The following NDUFS3 variants were observed in gnomAD, a reference collection of about 807,000 sequenced individuals.
NDUFS3 encodes the protein NADH dehydrogenase [ubiquinone] iron-sulfur protein 3, mitochondrial.
In NDUFS3, 19 loss-of-function variants were observed where a neutral mutation model predicts 30.8. The ratio of observed to expected loss-of-function variants is 0.62; its 90% CI spans 0.43 to 0.91. The LOEUF (loss-of-function observed/expected upper bound fraction) is 0.91, where lower values mean the gene tolerates loss of function less well. NDUFS3 is among the 40% of genes least tolerant of loss of function. The pLI is 0.00. For missense variants in NDUFS3, 331 were observed against 342.0 expected (o/e 0.97, Z 0.25); for synonymous variants, 153 against 135.8 (o/e 1.13, Z -0.88).
In NDUFS3 at chr11:47,580,833, A is replaced by G; in HGVS notation, c.232-2A>G. On this transcript the variant is annotated splice_acceptor_variant, in intron 3 of 6. Coordinates refer to ENST00000263774, the MANE Select transcript of NDUFS3 (RefSeq NM_004551.3). LOFTEE classifies it high-confidence loss of function. ...CCTCTCCCCTCACTTTCATGTGTGC[A>G]GGTGTCCTGCTTCAATGAGTTAGAG... 1 of 1,614,140 alleles carries G rather than the reference A, an allele frequency of 6.2e-7. No homozygotes were observed. Among genetic ancestry groups the G allele is most frequent in the Non-Finnish European group, 8.5e-7 (1 of 1,180,032 alleles).
In NDUFS3 at chr11:47,579,081, A is replaced by G. The variant is rs746155402; in HGVS notation, c.-11A>G. 4 of 1,560,026 alleles carry G rather than the reference A, an allele frequency of 2.6e-6. No individual in the cohort carries two copies. Among genetic ancestry groups the G allele is most frequent in the African/African-American group, 1.4e-5 (1 of 73,682 alleles). ...TCTTTCCGTCCGCTGCCTAGTCTGC[A>G]TCTGAGTAACATGGCGGCGGCGGCG... On this transcript the variant is annotated 5_prime_UTR_variant, in exon 1 of 7. Transcript: ENST00000263774.
In NDUFS3 at chr11:47,584,325, T is replaced by G. The variant is rs769675199; in HGVS notation, c.639T>G (p.Asp213Glu). 5 of 1,613,956 alleles carry G rather than the reference T, an allele frequency of 3.1e-6. No homozygotes were observed. Among genetic ancestry groups the G allele is most frequent in the Non-Finnish European group, 4.2e-6 (5 of 1,180,014 alleles). Residue 213 changes from aspartate to glutamate, a missense_variant, in exon 7 of 7, where the codon GAT (aspartate) becomes GAG (glutamate). Asp to Glu is a conservative substitution (Grantham distance 45). Coordinates refer to ENST00000263774, the MANE Select transcript of NDUFS3 (RefSeq NM_004551.3). ...TTTTGCTCCTGCAGTTACGTTATGA[T>G]GATGAAGTGAAGCGGGTGGTGGCAG... ...PLSGYVELRY[D>E]DEVKRVVAEP...
Position 47,584,317 on chromosome 11 carries a change from C to A in NDUFS3, c.631C>A (p.Arg211Ser), listed in dbSNP as rs369800649. 6.2e-7 allele frequency: 1 copy of A among 1,614,074 alleles called. No homozygotes were observed. Among genetic ancestry groups the A allele is most frequent in the South Asian group, 1.1e-5 (1 of 91,082 alleles). Residue 211 changes from arginine to serine, a missense_variant, in exon 7 of 7, where the codon CGT becomes AGT. Physicochemically the swap from Arg to Ser is moderately radical, Grantham distance 110. Coordinates refer to ENST00000263774, the MANE Select transcript of NDUFS3 (RefSeq NM_004551.3). Reference sequence around the variant, plus strand: ...AGCCTGCCTTTTGCTCCTGCAGTTACGTTATGATGATGAAGTGAAGCGGGT... The same window carrying A: ...AGCCTGCCTTTTGCTCCTGCAGTTAAGTTATGATGATGAAGTGAAGCGGGT... ...DFPLSGYVEL[R>S]YDDEVKRVVA...
intron 2 of NDUFS3, 191 bp downstream of exon 2, chr11:47,579,525 C>A: frequency 1.5e-6 from 1 of 666,334 alleles, no homozygotes; most frequent in Admixed American, 2.8e-5. Flanking sequence ...CTGATTGTTC[C>A]TTGTCCATTT....
intron 3 of NDUFS3, 77 bp downstream of exon 3, chr11:47,580,699 T>G: frequency 6.3e-7 from 1 of 1,585,826 alleles, no homozygotes; most frequent in Non-Finnish European, 8.7e-7. Flanking sequence ...TGGGCAGACT[T>G]GTTTCAAAGA....
chr11:47,580,834 G>A lies in NDUFS3; in HGVS notation c.232-1G>A, dbSNP rs1565941981. Reference sequence around the variant, plus strand: ...CTCTCCCCTCACTTTCATGTGTGCAGGTGTCCTGCTTCAATGAGTTAGAGG... The same window carrying A: ...CTCTCCCCTCACTTTCATGTGTGCAAGTGTCCTGCTTCAATGAGTTAGAGG... On this transcript the variant is annotated splice_acceptor_variant, in intron 3 of 6. Coordinates refer to ENST00000263774, the MANE Select transcript of NDUFS3 (RefSeq NM_004551.3). LOFTEE classifies it high-confidence loss of function. 5 of 1,614,134 alleles carry A rather than the reference G, an allele frequency of 3.1e-6. No homozygotes were observed. The South Asian group carries it at 5.5e-5, about 18-fold the overall frequency.
Position 47,581,044 on chromosome 11 carries a change from T to C in NDUFS3, c.381+60T>C, listed in dbSNP as rs754145009. 3.1e-6 allele frequency: 5 copies of C among 1,600,210 alleles called. No individual in the cohort carries two copies. In the African/African-American group the frequency reaches 6.7e-5, roughly 21 times the overall value. ...AGGATATTAATTTCAGTTTGTAACATACAATAGAACACAGCAGTTAAACTG... is the reference window on the plus strand; with the variant it reads ...AGGATATTAATTTCAGTTTGTAACACACAATAGAACACAGCAGTTAAACTG... On this transcript the variant is annotated intron_variant, in intron 4 of 6. Transcript: ENST00000263774.
Position 47,582,462 on chromosome 11 carries a change from T to C in NDUFS3, c.621T>C (p.Tyr207=), listed in dbSNP as rs761640106. 1.2e-6 allele frequency: 2 copies of C among 1,614,206 alleles called. No individual in the cohort carries two copies. Among genetic ancestry groups the C allele is most frequent in the Non-Finnish European group, 8.5e-7 (1 of 1,180,030 alleles). Residue 207 remains tyrosine, a synonymous_variant, in exon 6 of 7, where the codon TAT becomes TAC. Transcript: ENST00000263774. The stretch of plus-strand genomic sequence containing the variant: ...GGAAAGACTTTCCTCTATCTGGCTA[T>C]GTTGAGGTAGGAGCCTTGGAACTGG... ...PFRKDFPLSG[Y]VELRYDDEVK...
chr11:47,579,564 T>A (rs1415138427), intron 2 of NDUFS3: 4 of 615,040 alleles, frequency 6.5e-6, no homozygotes, highest in African/African-American at 1.8e-5. Context: ...CTGATTAAAC[T>A]GTCAGCTCTT....
chr11:47,583,824 A>G (rs1005054359), intron 6 of NDUFS3, among the ~76,000 whole-genome samples: 4 of 152,040 alleles, frequency 2.6e-5, no homozygotes, highest in African/African-American at 9.7e-5. Flanking sequence ...GATGATCCTT[A>G]CCTTATCCAT....
At chr11:47,579,504 CTGTTA>C in intron 2 of NDUFS3, 170 bp downstream of exon 2, 1 of 741,510 alleles carries the variant, frequency 1.3e-6, no homozygotes, top group East Asian at 2.7e-5. Context: ...GCCCTTAGGC[CTGTTA>C]TGGCCCTGAT....
intron 2 of NDUFS3, 78 bp downstream of exon 2, chr11:47,579,412 C>T (rs1213580106): frequency 6.4e-7 from 1 of 1,561,732 alleles, no homozygotes; most frequent in Non-Finnish European, 8.8e-7. Flanking sequence ...CTAGGATGCC[C>T]TTCCCTACGT....
At position 47,579,151 on chromosome 11, in the gene NDUFS3, G is replaced by A. The variant is rs1210791472; in HGVS notation, c.60G>A (p.Leu20=). ...WWRGILGASA[L]TRGTGRPSVL... Reference sequence around the variant, plus strand: ...GCGGGATCTTGGGGGCCTCGGCGCTGACCAGGGGTGAGCACGGGCAGCCAG... The same window carrying A: ...GCGGGATCTTGGGGGCCTCGGCGCTAACCAGGGGTGAGCACGGGCAGCCAG... The change falls in exon 1 of 7, where the codon CTG becomes CTA. Residue 20 remains leucine, a synonymous_variant. Coordinates refer to ENST00000263774, the MANE Select transcript of NDUFS3 (RefSeq NM_004551.3). 1.2e-6 allele frequency: 2 copies of A among 1,608,300 alleles called. No homozygotes were observed. Among genetic ancestry groups the A allele is most frequent in the South Asian group, 1.1e-5 (1 of 90,582 alleles).
intron 2 of NDUFS3, among the ~76,000 whole-genome samples, chr11:47,579,850 C>G (rs1598803507): frequency 6.6e-6 from 1 of 152,212 alleles, no homozygotes; most frequent in Non-Finnish European, 1.5e-5. Context: ...AACCATTATT[C>G]TGTAGCTTGT....
At chr11:47,581,702 A>C in intron 4 of NDUFS3, 1 of 324,256 alleles carries the variant, frequency 3.1e-6, no homozygotes, top group Non-Finnish European at 6.0e-6. Flanking sequence ...GTGAAGGAGA[A>C]AGACACCTAA....
Position 47,584,323 on chromosome 11 carries a change from G to T in NDUFS3, c.637G>T (p.Asp213Tyr). The T allele has an allele frequency of 6.2e-7, 1 of 1,614,138 alleles. No individual in the cohort carries two copies. The highest frequency in any genetic ancestry group is 1.7e-5 in the Admixed American group (1 of 60,010). Residue 213 changes from aspartate (D) to tyrosine (Y), a missense_variant, in exon 7 of 7, where the codon GAT becomes TAT. Coordinates refer to ENST00000263774, the MANE Select transcript of NDUFS3 (RefSeq NM_004551.3). ...PLSGYVELRY[D>Y]DEVKRVVAEP... ...CCTTTTGCTCCTGCAGTTACGTTAT[G>T]ATGATGAAGTGAAGCGGGTGGTGGC...
chr11:47,584,414 C>T lies in NDUFS3; in HGVS notation c.728C>T (p.Pro243Leu). The change falls in exon 7 of 7, where the codon CCA (proline) becomes CTA (leucine). Residue 243 changes from proline (P) to leucine (L), a missense_variant. Pro to Leu is a moderately conservative substitution (Grantham distance 98). Transcript: ENST00000263774. Reference sequence around the variant, plus strand: ...CTGAACAGCCCCTGGGAGGCTTTCCCAGTCTATCGCCAACCCCCGGAGAGT... The same window carrying T: ...CTGAACAGCCCCTGGGAGGCTTTCCTAGTCTATCGCCAACCCCCGGAGAGT... ...FDLNSPWEAF[P>L]VYRQPPESLK... is the part of the protein sequence containing the mutation. 1 of 1,614,122 alleles carries T rather than the reference C, an allele frequency of 6.2e-7. No individual in the cohort carries two copies. Among genetic ancestry groups the T allele is most frequent in the South Asian group, 1.1e-5 (1 of 91,076 alleles).
intron 4 of NDUFS3, 104 bp from the exon 5 acceptor site, chr11:47,581,984 A>G: frequency 6.8e-7 from 1 of 1,470,804 alleles, no homozygotes; most frequent in Non-Finnish European, 9.5e-7. Flanking sequence ...GCATAGGAGA[A>G]TCTTGAGGTT....
At chr11:47,581,295 A>C (rs1270637368) in intron 4 of NDUFS3, 3 of 376,546 alleles carry the variant, frequency 8.0e-6, no homozygotes, top group Admixed American at 3.8e-5. Context: ...CTGGGACTAC[A>C]GGTGCATGCC....
Sources: gnomAD v4.1 joint callset for allele counts (sites outside exome capture counted in the v4.1 genomes callset) on GRCh38, gnomAD v4.1.1 for gene constraint, MANE v1.5 for transcripts, NCBI Gene and HGNC (gene_info 2026-07-23, HGNC 2026-07-21) for gene names.